APOOL: variants seen among roughly 807,000 people sequenced by gnomAD.
The protein encoded by APOOL is MICOS complex subunit MIC27.
APOOL carries 12 observed loss-of-function variants against 23.1 expected under a neutral mutation model. That is an observed-to-expected ratio of 0.52 (90% confidence interval 0.33 to 0.84). The LOEUF (loss-of-function observed/expected upper bound fraction) is 0.84, where lower values mean the gene tolerates loss of function less well. Among genes scored for constraint, APOOL ranks in the 40% least tolerant of loss-of-function variants. The pLI, the probability that APOOL is intolerant of heterozygous loss-of-function variation, is 0.02. For synonymous variants in APOOL, 77 were observed against 69.9 expected (o/e 1.10, Z -0.51); for missense variants, 212 against 199.6 (o/e 1.06, Z -0.37).
chrX:85,027,791 G>C, intron 1 of APOOL, among the ~76,000 whole-genome samples: 1 of 112,161 alleles, frequency 8.9e-6, no homozygotes, highest in South Asian at 3.7e-4. Flanking sequence ...ATATCAATTT[G>C]TTGTAAGTGA....
intron 1 of APOOL, among the ~76,000 whole-genome samples, chrX:85,037,326 A>G (rs1198817525): frequency 1.8e-5 from 2 of 111,105 alleles, no homozygotes; most frequent in East Asian, 2.8e-4. Context: ...TTTCCCCCAT[A>G]CTGTTCTCTT....
intron 2 of APOOL, among the ~76,000 whole-genome samples, chrX:85,049,613 A>T (rs747934074): frequency 9.0e-6 from 1 of 110,609 alleles, no homozygotes; most frequent in African/African-American, 3.3e-5. Flanking sequence ...GTGAAACCCC[A>T]TCTCTACAAA....
chrX:85,022,413 A>G (rs1471759647), intron 1 of APOOL, among the ~76,000 whole-genome samples: 1 of 111,992 alleles, frequency 8.9e-6, no homozygotes, highest in Non-Finnish European at 1.9e-5. Context: ...TATCCAAGGG[A>G]TGGAAGGATG....
At chrX:85,011,976 C>T (rs1218967155) in intron 1 of APOOL, among the ~76,000 whole-genome samples, 1 of 111,870 alleles carries the variant, frequency 8.9e-6, no homozygotes, top group African/African-American at 3.2e-5. Context: ...CATCCATGAG[C>T]ATGGGATATG....
At position 85,092,359 on chromosome X, in the gene APOOL, C is replaced by G; in HGVS notation, c.*4681C>G. Reference sequence around the variant, plus strand: ...TCAGGTGACAGTCAAATGTTGGAGGCTGTGTTGGGATGAGTTGTTACAAAG... The same window carrying G: ...TCAGGTGACAGTCAAATGTTGGAGGGTGTGTTGGGATGAGTTGTTACAAAG... On this transcript the variant is annotated 3_prime_UTR_variant, in exon 9 of 9. Coordinates refer to ENST00000373173, the MANE Select transcript of APOOL (RefSeq NM_198450.6). 2 of 1,144,425 alleles carry G rather than the reference C, an allele frequency of 1.7e-6. No individual in the cohort carries two copies. The highest frequency in any genetic ancestry group is 2.3e-6 in the Non-Finnish European group (2 of 862,091). The allele number at this position is 1,144,425 out of a possible 1,213,427, so 94.3% of individuals were successfully genotyped here.
intron 1 of APOOL, among the ~76,000 whole-genome samples, chrX:85,029,381 A>G (rs748580307): frequency 9.2e-4 from 103 of 112,234 alleles, no homozygotes; most frequent in African/African-American, 3.3e-3. Flanking sequence ...GGAAAATACT[A>G]AATTGGTAAT....
intron 6 of APOOL, among the ~76,000 whole-genome samples, chrX:85,071,077 A>G (rs146269971): frequency 7.1e-5 from 8 of 111,952 alleles, no homozygotes; most frequent in Non-Finnish European, 1.5e-4. Context: ...AGAAAGACAA[A>G]TACTGTTTGA....
At chrX:85,033,910 C>T (rs1053210974) in intron 1 of APOOL, among the ~76,000 whole-genome samples, 1 of 111,426 alleles carries the variant, frequency 9.0e-6, no homozygotes, top group Non-Finnish European at 1.9e-5. Context: ...CTCTTCTATT[C>T]CTTGTTACTT....
intron 2 of APOOL, among the ~76,000 whole-genome samples, chrX:85,049,279 G>A (rs1434823433): frequency 3.6e-5 from 4 of 111,402 alleles, no homozygotes; most frequent in Non-Finnish European, 7.5e-5. Context: ...ATAGTAACAT[G>A]CTACTGGCTA....
At chrX:85,028,985 T>G (rs140528824) in intron 1 of APOOL, among the ~76,000 whole-genome samples, 106 of 111,823 alleles carry the variant, frequency 9.5e-4, no homozygotes, top group African/African-American at 3.2e-3. Context: ...TGAACATTGC[T>G]GCAACAAACA....
intron 6 of APOOL, among the ~76,000 whole-genome samples, chrX:85,073,705 A>C (rs992062568): frequency 3.6e-4 from 40 of 111,035 alleles, no homozygotes; most frequent in African/African-American, 1.3e-3. Context: ...ATACAATTTT[A>C]TATATGTCAA....
At chrX:85,064,322 CA>C (rs200463714) in intron 5 of APOOL, among the ~76,000 whole-genome samples, 7 of 99,099 alleles carry the variant, frequency 7.1e-5, no homozygotes, top group Admixed American at 1.1e-4. Flanking sequence ...TTGTTTTTTT[CA>C]AAAAAACAGC....
intron 8 of APOOL, among the ~76,000 whole-genome samples, chrX:85,077,999 A>C (rs2147664929): frequency 8.9e-6 from 1 of 111,859 alleles, no homozygotes; most frequent in Non-Finnish European, 1.9e-5. Context: ...ACCCTTTGTC[A>C]GATGGGTAGA....
chrX:85,070,672 A>G (rs1923634723), intron 6 of APOOL, among the ~76,000 whole-genome samples: 1 of 111,086 alleles, frequency 9.0e-6, no homozygotes, highest in Non-Finnish European at 1.9e-5. Flanking sequence ...TAACATATCC[A>G]TCACCACCCA....
chrX:85,047,114 C>T (rs917112979), intron 2 of APOOL, among the ~76,000 whole-genome samples: 25 of 111,626 alleles, frequency 2.2e-4, no homozygotes, highest in Middle Eastern at 9.3e-3. Context: ...TAACTTCTAC[C>T]TGTTGGTACT....
chrX:85,083,866 C>T lies in APOOL; in HGVS notation c.719-3724C>T, dbSNP rs758670718. ...ACTATAATTCATTGCTGTCTTATAA[C>T]TTTAAACATATTTCTTTCCTATTTG... On this transcript the variant is annotated intron_variant, in intron 8 of 8. Transcript: ENST00000373173. Among the ~76,000 whole-genome samples, 13 of 111,675 alleles carry T rather than the reference C, an allele frequency of 1.2e-4. No individual in the cohort carries two copies. The East Asian group carries it at 2.8e-3, about 24-fold the overall frequency.
At chrX:85,054,794 A>G (rs1251408153) in intron 4 of APOOL, among the ~76,000 whole-genome samples, 4 of 111,420 alleles carry the variant, frequency 3.6e-5, no homozygotes, top group African/African-American at 1.3e-4. Flanking sequence ...TTTAACTACA[A>G]AGTCTATATT....
chrX:85,085,255 C>T (rs1253318291), intron 8 of APOOL, among the ~76,000 whole-genome samples: 1 of 111,635 alleles, frequency 9.0e-6, no homozygotes, highest in East Asian at 2.8e-4. Context: ...ATCTAAGGTA[C>T]TGCTGATACT....
chrX:85,086,468 C>T (rs947366775), intron 8 of APOOL, among the ~76,000 whole-genome samples: 3 of 111,746 alleles, frequency 2.7e-5, no homozygotes, highest in African/African-American at 9.8e-5. Flanking sequence ...CTCCATTCTT[C>T]CAGTTTCTCA....
Sources: allele counts gnomAD v4.1 joint callset (sites outside exome capture counted in the v4.1 genomes callset), GRCh38; gene constraint gnomAD v4.1.1; transcripts MANE v1.5; gene names NCBI Gene and HGNC (gene_info 2026-07-23, HGNC 2026-07-21).